Variants in ARHGAP39 observed in about 807,000 individuals in gnomAD.
ARHGAP39 encodes Rho GTPase activating protein 39, also known as rho GTPase-activating protein 39.
In ARHGAP39, 44 loss-of-function variants were observed where a neutral mutation model predicts 106.9. The ratio of observed to expected loss-of-function variants is 0.41; its 90% CI spans 0.32 to 0.53. The LOEUF (loss-of-function observed/expected upper bound fraction) is 0.53, where lower values mean the gene tolerates loss of function less well. Ranked by LOEUF, ARHGAP39 falls within the 20% of genes least tolerant of loss-of-function variation. ARHGAP39 has a pLI of 0.21. For missense variants in ARHGAP39, 1,496 were observed against 1,577.3 expected (o/e 0.95, Z 0.87); for synonymous variants, 768 against 693.2 (o/e 1.11, Z -1.69).
intron 1 of ARHGAP39, among the ~76,000 whole-genome samples, chr8:144,685,287 C>A (rs1170225657): frequency 2.0e-5 from 3 of 150,732 alleles, no homozygotes; most frequent in Non-Finnish European, 4.4e-5. Flanking sequence ...CACACCCACA[C>A]CCACATTGGG....
chr8:144,630,024 C>T (rs1821022712), intron 1 of ARHGAP39, among the ~76,000 whole-genome samples: 1 of 152,204 alleles, frequency 6.6e-6, no homozygotes, highest in African/African-American at 2.4e-5. Flanking sequence ...ACAGGCAAGG[C>T]TGAACCCCAG....
rs1428939066 is a variant in ARHGAP39, at chr8:144,644,532, T to C, written c.-81-38837A>G. Reference sequence around the variant, plus strand: ...ATACTTGAAATGAGTGAATTTTTTATATATAAATTATACCTCCATAATTGA... The same window carrying C: ...ATACTTGAAATGAGTGAATTTTTTACATATAAATTATACCTCCATAATTGA... On this transcript the variant is annotated intron_variant, in intron 1 of 11. Coordinates refer to ENST00000377307, the MANE Select transcript of ARHGAP39 (RefSeq NM_025251.3). The surrounding 1 kb of genome is among the most constrained non-coding windows in gnomAD (Gnocchi z 4.8). Among the ~76,000 whole-genome samples, 1 of 152,228 alleles carries C rather than the reference T, an allele frequency of 6.6e-6. No individual in the cohort carries two copies. The highest frequency in any genetic ancestry group is 1.5e-5 in the Non-Finnish European group (1 of 68,042).
At chr8:144,593,355 C>A (rs1326166505) in intron 2 of ARHGAP39, among the ~76,000 whole-genome samples, 1 of 152,152 alleles carries the variant, frequency 6.6e-6, no homozygotes, top group African/African-American at 2.4e-5. Context: ...GTCTCTTCAA[C>A]AAACGTGCAG....
At position 144,591,529 on chromosome 8, in the gene ARHGAP39, G is replaced by A. The variant is rs915833540; in HGVS notation, c.81-10252C>T. Among the ~76,000 whole-genome samples, 1 of 152,202 alleles carries A rather than the reference G, an allele frequency of 6.6e-6. No individual in the cohort carries two copies. The highest frequency in any genetic ancestry group is 6.5e-5 in the Admixed American group (1 of 15,294). ...CCCTTCCACCATGATTGTTCCCTGG[G>A]CGCCCCAGCCATGCGGAACCTCCTG... On this transcript the variant is annotated intron_variant, in intron 2 of 11. Transcript: ENST00000377307. This position sits in a 1 kb window ranked among gnomAD's most constrained non-coding sequence, Gnocchi z 5.3.
chr8:144,622,370 G>A lies in ARHGAP39; in HGVS notation c.-81-16675C>T, dbSNP rs116414231. Among the ~76,000 whole-genome samples the A allele has an allele frequency of 3.6e-3, 554 of 152,032 alleles. 4 individuals are homozygous for A. Among genetic ancestry groups the A allele is most frequent in the African/African-American group, 0.012 (515 of 41,454 alleles). The stretch of plus-strand genomic sequence containing the variant: ...CATGGCCATGTCAGCAGCCCCACCC[G>A]CCACAGGCTTCCTTCTGTGAAGCCT... On this transcript the variant is annotated intron_variant, in intron 1 of 11. Coordinates refer to ENST00000377307, the MANE Select transcript of ARHGAP39 (RefSeq NM_025251.3).
At chr8:144,628,450 C>T (rs1820980497) in intron 1 of ARHGAP39, among the ~76,000 whole-genome samples, 1 of 152,152 alleles carries the variant, frequency 6.6e-6, no homozygotes, top group South Asian at 2.1e-4. Flanking sequence ...TCCGGAGTGG[C>T]ATGCCAAGTC....
At chr8:144,532,532 T>G (rs944473425) in intron 9 of ARHGAP39, 136 bp from the exon 10 acceptor site, 1 of 725,024 alleles carries the variant, frequency 1.4e-6, no homozygotes, top group African/African-American at 1.8e-5. Context: ...GCCACCCCGG[T>G]TGGCCTCTTT....
In ARHGAP39 at chr8:144,547,325, G is replaced by A. The variant is rs766487738; in HGVS notation, c.1761C>T (p.Ser587=). The A allele has an allele frequency of 4.4e-6, 7 of 1,608,846 alleles. No individual in the cohort carries two copies. The highest frequency in any genetic ancestry group is 1.1e-5 in the South Asian group (1 of 90,858). ...DSQQDGSGYE[S]DGALPLPMPG... ...GCATGGGCAGTGGCAGGGCGCCGTC[G>A]CTCTCGTAGCCAGAGCCGTCCTGCT... Residue 587 remains serine (S), a synonymous_variant, in exon 5 of 12, where the codon AGC becomes AGT. Coordinates refer to ENST00000377307, the MANE Select transcript of ARHGAP39 (RefSeq NM_025251.3). The surrounding 1 kb of genome is among the most constrained non-coding windows in gnomAD (Gnocchi z 5.2).
intron 1 of ARHGAP39, among the ~76,000 whole-genome samples, chr8:144,659,476 A>G (rs539896807): frequency 2.0e-5 from 3 of 152,322 alleles, no homozygotes; most frequent in African/African-American, 4.8e-5. Context: ...TGTCTTAACC[A>G]TGACAAAACG....
intron 1 of ARHGAP39, among the ~76,000 whole-genome samples, chr8:144,620,638 A>AT (rs1270371911): frequency 1.1e-4 from 16 of 152,236 alleles, no homozygotes; most frequent in African/African-American, 3.9e-4. Context: ...CTGCTCAAGC[A>AT]GCCCTGCCAT....
At chr8:144,633,833 GC>G (rs1380488378) in intron 1 of ARHGAP39, among the ~76,000 whole-genome samples, 2 of 152,198 alleles carry the variant, frequency 1.3e-5, no homozygotes, top group Non-Finnish European at 2.9e-5. Flanking sequence ...GTACCACCAT[GC>G]CTGGTGAACC....
Position 144,586,911 on chromosome 8 carries a change from T to C in ARHGAP39, c.81-5634A>G, listed in dbSNP as rs1026433051. ...CTGTGTCCCCACCCAAATCTCCTCC[T>C]GAGTTGTAGTTCCCACAACCCCCAA... On this transcript the variant is annotated intron_variant, in intron 2 of 11. Coordinates refer to ENST00000377307, the MANE Select transcript of ARHGAP39 (RefSeq NM_025251.3). The surrounding 1 kb of genome is among the most constrained non-coding windows in gnomAD (Gnocchi z 4.2). Among the ~76,000 whole-genome samples, 1 of 152,202 alleles carries C rather than the reference T, an allele frequency of 6.6e-6. No individual in the cohort carries two copies. The highest frequency in any genetic ancestry group is 2.4e-5 in the African/African-American group (1 of 41,456).
chr8:144,689,336 C>T (rs1292987720), upstream of ARHGAP39, among the ~76,000 whole-genome samples: 2 of 151,766 alleles, frequency 1.3e-5, no homozygotes, highest in Admixed American at 6.6e-5. Context: ...TGCGTTCTCA[C>T]TAACACCTGC....
intron 7 of ARHGAP39, among the ~76,000 whole-genome samples, chr8:144,537,394 G>T (rs1234141947): frequency 6.6e-6 from 1 of 152,106 alleles, no homozygotes; most frequent in Non-Finnish European, 1.5e-5. Context: ...AAACTTCCCT[G>T]TGGGGGTCAG....
rs527369994 is a variant in ARHGAP39 at position 144,620,517 on chromosome 8, G to A, written c.-81-14822C>T. ...TGTGTCCAAGGGAGCACGTGTGCCC[G>A]TGTGAGCCTGTGTCCCTGAGAGCAT... On this transcript the variant is annotated intron_variant, in intron 1 of 11. Coordinates refer to ENST00000377307, the MANE Select transcript of ARHGAP39 (RefSeq NM_025251.3). Among the ~76,000 whole-genome samples the A allele has an allele frequency of 2.6e-5, 4 of 151,340 alleles. No homozygotes were observed. The South Asian group carries it at 8.3e-4, about 32-fold the overall frequency.
rs190802925 is a variant in ARHGAP39 at position 144,565,510 on chromosome 8, G to A, written c.513-9867C>T. ...TCAAGGCCAGACTGGGCAATGTGGCGAAACCCCGTCTCTACTAAAAATACA... is the reference window on the plus strand; with the variant it reads ...TCAAGGCCAGACTGGGCAATGTGGCAAAACCCCGTCTCTACTAAAAATACA... On this transcript the variant is annotated intron_variant, in intron 3 of 11. Transcript: ENST00000377307. Among the ~76,000 whole-genome samples, 555 of 152,084 alleles carry A rather than the reference G, an allele frequency of 3.6e-3. 3 individuals carry two copies. The highest frequency in any genetic ancestry group is 0.013 in the African/African-American group (533 of 41,496).
Position 144,530,338 on chromosome 8 carries a change from C to T in ARHGAP39, c.*84G>A, listed in dbSNP as rs1411089158. On this transcript the variant is annotated 3_prime_UTR_variant, in exon 12 of 12. Transcript: ENST00000377307. ...GGCTCCAGGGCTGGGCCGGGCGATTCTGGCCCCTCTGCCGGGAGAGCGAGT... is the reference window on the plus strand; with the variant it reads ...GGCTCCAGGGCTGGGCCGGGCGATTTTGGCCCCTCTGCCGGGAGAGCGAGT... 1.3e-5 allele frequency: 18 copies of T among 1,437,200 alleles called. No homozygotes were observed. Among genetic ancestry groups the T allele is most frequent in the Non-Finnish European group, 1.6e-5 (17 of 1,064,288 alleles). The allele number at this position is 1,437,200 out of a possible 1,614,324, so 89.0% of individuals were successfully genotyped here.
chr8:144,577,487 C>G (rs1451743155), intron 3 of ARHGAP39, among the ~76,000 whole-genome samples: 2 of 152,068 alleles, frequency 1.3e-5, no homozygotes, highest in East Asian at 1.9e-4. Flanking sequence ...CAAGGATGCC[C>G]CTTCACCACT....
chr8:144,574,184 TGAG>T (rs139240824), intron 3 of ARHGAP39, among the ~76,000 whole-genome samples: 48 of 137,382 alleles, frequency 3.5e-4, no homozygotes, highest in Non-Finnish European at 4.7e-4. Context: ...AAGATGAAGA[TGAG>T]GAGGAGGAGG....
Sources: gnomAD v4.1 joint callset for allele counts (sites outside exome capture counted in the v4.1 genomes callset) on GRCh38, gnomAD v4.1.1 for gene constraint, Gnocchi (gnomAD v3.1) non-coding constraint, MANE v1.5 for transcripts, NCBI Gene and HGNC (gene_info 2026-07-23, HGNC 2026-07-21) for gene names.